The following SBF1 variants were observed in gnomAD, a reference collection of about 807,000 sequenced individuals.
SBF1 encodes the protein SET binding factor 1.
SBF1 carries 65 observed loss-of-function variants against 215.8 expected under a neutral mutation model. The observed-to-expected ratio is 0.30, with a 90% CI of 0.25 to 0.37. The LOEUF (loss-of-function observed/expected upper bound fraction) is 0.37, where lower values mean the gene tolerates loss of function less well. SBF1 is among the 10% of genes least tolerant of loss of function. The pLI, the probability that SBF1 is intolerant of heterozygous loss-of-function variation, is 1.00. For synonymous variants in SBF1, 1,410 were observed against 1,122.8 expected (o/e 1.26, Z -5.11); for missense variants, 2,634 against 2,667.8 (o/e 0.99, Z 0.28).
chr22:50,453,879 A>G (rs868701677), intron 36 of SBF1, among the ~76,000 whole-genome samples: 16 of 151,462 alleles, frequency 1.1e-4, no homozygotes, highest in African/African-American at 3.2e-4. Context: ...CAAGGTCCAC[A>G]CTCCTCTGCC....
chr22:50,451,326 C>G (rs992957890), intron 36 of SBF1, among the ~76,000 whole-genome samples: 2 of 152,044 alleles, frequency 1.3e-5, no homozygotes, highest in African/African-American at 4.8e-5. Context: ...GCCTGGGCAA[C>G]AGAGCAAGAC....
rs751381228 is a variant in SBF1, at chr22:50,465,269, G to C, written c.1149C>G (p.Arg383=). ...GGATGCGCACGACGTGCAGGCACCA[G>C]CGATAGCCCTGCAGCAGCTGAGCGA... ...RLFAQLLQGY[R]WCLHVVRIHP... Residue 383 remains arginine (R), a synonymous_variant, in exon 11 of 41, where the codon CGC becomes CGG. Coordinates refer to ENST00000380817, the MANE Select transcript of SBF1 (RefSeq NM_002972.4). 6.2e-7 allele frequency: 1 copy of C among 1,611,094 alleles called. No homozygotes were observed. The highest frequency in any genetic ancestry group is 8.5e-7 in the Non-Finnish European group (1 of 1,179,156).
intron 26 of SBF1, 94 bp downstream of exon 26, chr22:50,459,858 T>C: frequency 6.8e-7 from 1 of 1,477,660 alleles, no homozygotes; most frequent in Non-Finnish European, 9.4e-7. Flanking sequence ...CCACATTCCT[T>C]ACATGACCAG....
chr22:50,455,703 C>CA, intron 31 of SBF1, 121 bp from the exon 32 acceptor site: 1 of 797,186 alleles, frequency 1.3e-6, no homozygotes, highest in South Asian at 1.6e-5. Flanking sequence ...CACAGCCCCC[C>CA]AAGCCCTGTA....
intron 36 of SBF1, among the ~76,000 whole-genome samples, chr22:50,453,126 G>A (rs972694495): frequency 6.6e-6 from 1 of 152,050 alleles, no homozygotes; most frequent in Non-Finnish European, 1.5e-5. Flanking sequence ...TGGATAACAA[G>A]AAGACCCAAC....
At chr22:50,471,523 G>A (rs966254798) in intron 1 of SBF1, among the ~76,000 whole-genome samples, 10 of 152,206 alleles carry the variant, frequency 6.6e-5, no homozygotes, top group African/African-American at 9.7e-5. Flanking sequence ...AGCCCTGGCC[G>A]GCTCTGCTGC....
In SBF1 at chr22:50,458,535, G is replaced by T. The variant is rs144514647; in HGVS notation, c.3826+720C>A. On this transcript the variant is annotated intron_variant, in intron 28 of 40. Coordinates refer to ENST00000380817, the MANE Select transcript of SBF1 (RefSeq NM_002972.4). ...CACTCAGGGTTTCTGGCAGGGGTGG[G>T]AAGGCAGCAAGACAGGGCGATTGTA... is the stretch of plus-strand genomic sequence containing the variant. 3.0e-3 allele frequency among the ~76,000 whole-genome samples: 461 copies of T among 152,318 alleles called. 5 individuals carry two copies. Among genetic ancestry groups the T allele is most frequent in the African/African-American group, 0.011 (442 of 41,552 alleles).
rs2067607889 is a variant in SBF1 at position 50,463,448 on chromosome 22, G to C, written c.1750-16C>G. The C allele has an allele frequency of 3.2e-6, 5 of 1,552,854 alleles. No individual in the cohort carries two copies. Among genetic ancestry groups the C allele is most frequent in the Non-Finnish European group, 4.4e-6 (5 of 1,146,300 alleles). On this transcript the variant is annotated splice_polypyrimidine_tract_variant and intron_variant, in intron 15 of 40. Coordinates refer to ENST00000380817, the MANE Select transcript of SBF1 (RefSeq NM_002972.4). ...CTGGGAGCAGCTGGGGGTGGGGAAAGGAGACACGGGCTGAGGGCACAGAGA... is the reference window on the plus strand; with the variant it reads ...CTGGGAGCAGCTGGGGGTGGGGAAACGAGACACGGGCTGAGGGCACAGAGA...
intron 28 of SBF1, 188 bp from the exon 29 acceptor site, chr22:50,457,299 C>A (rs1489591865): frequency 8.4e-6 from 4 of 476,352 alleles, no homozygotes; most frequent in East Asian, 3.5e-5. Context: ...TCTGCCAGGG[C>A]AGGGCAGGCC....
At position 50,445,299 on chromosome 22, in the gene SBF1, G is replaced by C. The variant is rs761744; in HGVS notation, c.*1843C>G. 1.3e-5 allele frequency: 2 copies of C among 152,352 alleles called. No individual in the cohort carries two copies. Among genetic ancestry groups the C allele is most frequent in the African/African-American group, 4.9e-5 (2 of 41,188 alleles). The allele number at this position is 152,352 out of a possible 1,614,324, so 9.4% of individuals were successfully genotyped here. A position where few individuals can be genotyped will look rare whatever the true frequency, so the allele number is the denominator to read the frequency against. ...TTTGGGGGATGGGGGGAACCACTTC[G>C]CCTAACGCTCAAACACATCAACCCC... is the stretch of plus-strand genomic sequence containing the variant. On this transcript the variant is annotated 3_prime_UTR_variant, in exon 41 of 41. Coordinates refer to ENST00000380817, the MANE Select transcript of SBF1 (RefSeq NM_002972.4).
rs758505025 is a variant in SBF1, at chr22:50,459,298, G to A, written c.3783C>T (p.Arg1261=). 2 of 1,611,384 alleles carry A rather than the reference G, an allele frequency of 1.2e-6. No homozygotes were observed. The highest frequency in any genetic ancestry group is 1.3e-5 in the African/African-American group (1 of 74,908). ...SMPRYADASG[R]NTLSGFSSAH... is the part of the protein sequence containing the mutation. Reference sequence around the variant, plus strand: ...CTGAGGAGAAGCCGCTAAGCGTGTTGCGTCCCGACGCGTCGGCGTAGCGGG... The same window carrying A: ...CTGAGGAGAAGCCGCTAAGCGTGTTACGTCCCGACGCGTCGGCGTAGCGGG... The change falls in exon 28 of 41, where the codon CGC becomes CGT. Residue 1261 remains arginine, a synonymous_variant. Transcript: ENST00000380817.
intron 31 of SBF1, chr22:50,455,828 G>A: frequency 5.7e-6 from 3 of 523,224 alleles, no homozygotes; most frequent in Admixed American, 3.6e-5. Context: ...GGACGTCCCT[G>A]TCCCTCAAGA....
chr22:50,456,996 G>T, intron 29 of SBF1, 38 bp downstream of exon 29: 1 of 1,390,074 alleles, frequency 7.2e-7, no homozygotes, highest in Non-Finnish European at 9.4e-7. Context: ...CCAGCACCAA[G>T]TAAGGGGAGG....
At chr22:50,468,245 C>A in intron 2 of SBF1, 131 bp downstream of exon 2, 2 of 839,784 alleles carry the variant, frequency 2.4e-6, no homozygotes, top group Admixed American at 2.7e-5. Context: ...CCGACAGAGG[C>A]TCTGCTGTCT....
At chr22:50,472,491 G>T (rs1163580867) in intron 1 of SBF1, among the ~76,000 whole-genome samples, 1 of 152,162 alleles carries the variant, frequency 6.6e-6, no homozygotes, top group Non-Finnish European at 1.5e-5. Context: ...TGCCTAGAGA[G>T]TTCACACACC....
chr22:50,464,793 G>A, intron 13 of SBF1, 26 bp downstream of exon 13: 11 of 1,612,702 alleles, frequency 6.8e-6, no homozygotes, highest in East Asian at 2.2e-5. Flanking sequence ...GCGGTACGAC[G>A]CCCTCCCGTC....
At chr22:50,449,140 C>G (rs1017427422) in intron 36 of SBF1, among the ~76,000 whole-genome samples, 4 of 151,910 alleles carry the variant, frequency 2.6e-5, no homozygotes, top group Non-Finnish European at 4.4e-5. Context: ...CCACTGCACA[C>G]CAGCATGGGC....
rs1158709720 is a variant in SBF1 at position 50,445,553 on chromosome 22, AT to A, written c.*1588del. 6.6e-6 allele frequency: 1 copy of A among 152,228 alleles called. No individual in the cohort carries two copies. The highest frequency in any genetic ancestry group is 2.4e-5 in the African/African-American group (1 of 41,420). 9.4% of individuals were successfully genotyped at this position (152,228 alleles called of 1,614,324 possible). On this transcript the variant is annotated 3_prime_UTR_variant, in exon 41 of 41. Transcript: ENST00000380817. ...TCTCGCCGCCTACCCTGTGCCTGGC[AT>A]TTGTCCTCTCCCCCCACAGACGTGG...
At chr22:50,457,590 G>C (rs1167474006) in intron 28 of SBF1, among the ~76,000 whole-genome samples, 1 of 152,244 alleles carries the variant, frequency 6.6e-6, no homozygotes, top group Non-Finnish European at 1.5e-5. Context: ...GAGGCTTCCC[G>C]AAGAGGGGAG....
Sources: gnomAD v4.1 joint callset for allele counts (sites outside exome capture counted in the v4.1 genomes callset) on GRCh38, gnomAD v4.1.1 for gene constraint, MANE v1.5 for transcripts, NCBI Gene and HGNC (gene_info 2026-07-23, HGNC 2026-07-21) for gene names.